The following TUBGCP3 variants were observed in gnomAD, a reference collection of about 807,000 sequenced individuals.
The protein encoded by TUBGCP3 is gamma-tubulin complex component 3.
Under a neutral mutation model 123.1 loss-of-function variants are expected in TUBGCP3, and 50 were observed. That is an observed-to-expected ratio of 0.41 (90% CI 0.32 to 0.51). The LOEUF (loss-of-function observed/expected upper bound fraction) is 0.51, where lower values mean the gene tolerates loss of function less well. Ranked by LOEUF, TUBGCP3 falls within the 20% of genes least tolerant of loss-of-function variation. The probability of loss-of-function intolerance (pLI) is 0.36; values close to 1 mark genes in which losing one functional copy is unlikely to be tolerated. For synonymous variants in TUBGCP3, 405 were observed against 413.9 expected (o/e 0.98, Z 0.26); for missense variants, 882 against 1,127.0 (o/e 0.78, Z 3.11).
upstream of TUBGCP3, among the ~76,000 whole-genome samples, chr13:112,590,889 G>A (rs1455305147): frequency 6.6e-6 from 1 of 152,154 alleles, no homozygotes; most frequent in African/African-American, 2.4e-5. Flanking sequence ...GCCCTTATGG[G>A]TAAACACCAA....
intron 11 of TUBGCP3, among the ~76,000 whole-genome samples, chr13:112,534,483 C>T (rs1251424265): frequency 6.6e-6 from 1 of 152,028 alleles, no homozygotes; most frequent in African/African-American, 2.4e-5. Flanking sequence ...GGAGGTGGAG[C>T]TTGCAGTGAG....
rs187028951 is a variant in TUBGCP3 at position 112,579,646 on chromosome 13, G to T, written c.76+8259C>A. On this transcript the variant is annotated intron_variant, in intron 1 of 21. Coordinates refer to ENST00000261965, the MANE Select transcript of TUBGCP3 (RefSeq NM_006322.6). ...TGGAGCTCTCCCACACTGCTGAGTGGGGGTGGAGCCATGGCATCCCTGGAG... is the reference window on the plus strand; with the variant it reads ...TGGAGCTCTCCCACACTGCTGAGTGTGGGTGGAGCCATGGCATCCCTGGAG... Among the ~76,000 whole-genome samples, 867 of 141,050 alleles carry T rather than the reference G, an allele frequency of 6.1e-3. 9 individuals carry two copies. The highest frequency in any genetic ancestry group is 0.022 in the African/African-American group (812 of 37,436). The allele number at this position is 141,050 out of a possible 152,430, so 92.5% of individuals were successfully genotyped here. A position where few individuals can be genotyped will look rare whatever the true frequency, so the allele number is the denominator to read the frequency against.
At chr13:112,564,002 A>G (rs779314331) in intron 3 of TUBGCP3, among the ~76,000 whole-genome samples, 2 of 152,224 alleles carry the variant, frequency 1.3e-5, no homozygotes, top group Non-Finnish European at 2.9e-5. Context: ...GAAATATGGT[A>G]TCCAATAAGC....
At chr13:112,599,169 G>A in the TUBGCP3 span, among the ~76,000 whole-genome samples, 1 of 152,128 alleles carries the variant, frequency 6.6e-6, no homozygotes, top group African/African-American at 2.4e-5. Flanking sequence ...CTGTCAACAC[G>A]ACTTGTCACT....
intron 8 of TUBGCP3, among the ~76,000 whole-genome samples, chr13:112,553,327 A>G (rs933111787): frequency 2.6e-5 from 4 of 152,246 alleles, no homozygotes; most frequent in African/African-American, 4.8e-5. Context: ...CTACGCTGCC[A>G]TAAGTCCTGT....
intron 1 of TUBGCP3, among the ~76,000 whole-genome samples, chr13:112,575,090 C>A (rs770433240): frequency 2.0e-5 from 3 of 152,210 alleles, no homozygotes; most frequent in Non-Finnish European, 4.4e-5. Flanking sequence ...ACAAGGCTGG[C>A]AGGCTGGGGG....
intron 20 of TUBGCP3, chr13:112,498,813 T>A (rs1452209923): frequency 3.2e-6 from 5 of 1,559,310 alleles, no homozygotes; most frequent in Admixed American, 1.9e-5. Context: ...GTAATTCTCA[T>A]GAATGCTGCT....
chr13:112,585,913 AC>A (rs1882575210), intron 1 of TUBGCP3, among the ~76,000 whole-genome samples: 1 of 151,810 alleles, frequency 6.6e-6, no homozygotes, highest in Admixed American at 6.6e-5. Context: ...AAGGGACAAA[AC>A]TTTTATATCA....
chr13:112,582,009 A>T (rs1459786242), intron 1 of TUBGCP3, among the ~76,000 whole-genome samples: 2 of 152,160 alleles, frequency 1.3e-5, no homozygotes, highest in African/African-American at 2.4e-5. Context: ...CTTCTTGCTG[A>T]TTATAAAATA....
Position 112,485,917 on chromosome 13 carries a change from G to A in TUBGCP3, c.*76C>T, listed in dbSNP as rs1039373591. 5.4e-6 allele frequency: 6 copies of A among 1,111,416 alleles called. No individual in the cohort carries two copies. In the African/African-American group the frequency reaches 9.3e-5, roughly 17 times the overall value. 68.8% of individuals were successfully genotyped at this position (1,111,416 alleles called of 1,614,324 possible). A position where few individuals can be genotyped will look rare whatever the true frequency, so the allele number is the denominator to read the frequency against. ...AGGACACCTGCAGCATGCAGTTCCT[G>A]CAGGACGTCAATGGGAATTTCGTGT... On this transcript the variant is annotated 3_prime_UTR_variant, in exon 22 of 22. Coordinates refer to ENST00000261965, the MANE Select transcript of TUBGCP3 (RefSeq NM_006322.6).
At position 112,504,140 on chromosome 13, in the gene TUBGCP3, C is replaced by T; in HGVS notation, c.2199G>A (p.Glu733=). Residue 733 remains glutamate (E), a synonymous_variant, in exon 19 of 22, where the codon GAG becomes GAA. Coordinates refer to ENST00000261965, the MANE Select transcript of TUBGCP3 (RefSeq NM_006322.6). ...TFEVLECSWD[E]LWNKVQQAQD... The stretch of plus-strand genomic sequence containing the variant: ...GGGCCTGCTGGACTTTGTTCCAAAG[C>T]TCATCCCAAGAACATTCAAGCACCT... The T allele has an allele frequency of 1.2e-6, 2 of 1,614,104 alleles. No individual in the cohort carries two copies. Among genetic ancestry groups the T allele is most frequent in the Non-Finnish European group, 1.7e-6 (2 of 1,180,016 alleles).
intron 19 of TUBGCP3, among the ~76,000 whole-genome samples, chr13:112,502,722 T>C (rs964298958): frequency 6.6e-6 from 1 of 151,856 alleles, no homozygotes; most frequent in Non-Finnish European, 1.5e-5. Context: ...ATTTTTTGTA[T>C]TTTTAGTAGA....
intron 11 of TUBGCP3, among the ~76,000 whole-genome samples, chr13:112,542,801 T>C (rs894424801): frequency 2.6e-5 from 4 of 152,068 alleles, no homozygotes; most frequent in African/African-American, 9.7e-5. Flanking sequence ...ACAAATTGCA[T>C]ATAAAAAATT....
chr13:112,532,228 A>G (rs1349228629), intron 11 of TUBGCP3, among the ~76,000 whole-genome samples: 1 of 152,248 alleles, frequency 6.6e-6, no homozygotes, highest in Non-Finnish European at 1.5e-5. Flanking sequence ...GGGTAAACTT[A>G]TAATTACAAT....
the TUBGCP3 span, among the ~76,000 whole-genome samples, chr13:112,599,764 C>G: frequency 6.6e-6 from 1 of 152,296 alleles, no homozygotes; most frequent in South Asian, 2.1e-4. Context: ...CGTGATCCGC[C>G]TGCCTTGGCC....
chr13:112,594,718 C>T, the TUBGCP3 span, among the ~76,000 whole-genome samples: 42 of 152,314 alleles, frequency 2.8e-4, no homozygotes, highest in African/African-American at 9.6e-4. Context: ...AAATTTCTGT[C>T]TAAGCACTGC....
At chr13:112,517,873 C>T (rs921643742) in intron 16 of TUBGCP3, among the ~76,000 whole-genome samples, 1 of 152,102 alleles carries the variant, frequency 6.6e-6, no homozygotes, top group African/African-American at 2.4e-5. Context: ...GCCTTGGTGA[C>T]AGAGTGAGAC....
At chr13:112,489,327 G>A (rs575689626) in intron 21 of TUBGCP3, among the ~76,000 whole-genome samples, 1 of 151,850 alleles carries the variant, frequency 6.6e-6, no homozygotes, top group Non-Finnish European at 1.5e-5. Flanking sequence ...GGCCACCCCC[G>A]GGTGCCCGCA....
At chr13:112,529,464 C>T (rs1440580557) in intron 11 of TUBGCP3, among the ~76,000 whole-genome samples, 3 of 152,216 alleles carry the variant, frequency 2.0e-5, no homozygotes, top group Non-Finnish European at 4.4e-5. Flanking sequence ...TTTTTATGAT[C>T]ATGAGAGCGT....
Sources: allele counts gnomAD v4.1 joint callset (sites outside exome capture counted in the v4.1 genomes callset), GRCh38; gene constraint gnomAD v4.1.1; transcripts MANE v1.5; gene names NCBI Gene and HGNC (gene_info 2026-07-23, HGNC 2026-07-21).